Variants in ARIH1 observed in about 807,000 individuals in gnomAD.
The protein encoded by ARIH1 is ariadne RBR E3 ubiquitin protein ligase 1, also known as E3 ubiquitin-protein ligase ARIH1.
A neutral mutation model predicts 85.0 loss-of-function variants in ARIH1; 8 were observed. The observed-to-expected ratio is 0.09, with a 90% CI of 0.06 to 0.17. The LOEUF (loss-of-function observed/expected upper bound fraction) is 0.17. Among genes scored for constraint, ARIH1 ranks in the 10% least tolerant of loss-of-function variants. The pLI, the probability that ARIH1 is intolerant of heterozygous loss-of-function variation, is 1.00. For synonymous variants in ARIH1, 238 were observed against 253.6 expected (o/e 0.94, Z 0.59); for missense variants, 311 against 718.1 (o/e 0.43, Z 6.48).
At chr15:72,510,183 A>T (rs2063943843) in intron 1 of ARIH1, among the ~76,000 whole-genome samples, 1 of 152,238 alleles carries the variant, frequency 6.6e-6, no homozygotes, top group South Asian at 2.1e-4. Context: ...TTAGATTTTT[A>T]AAAAATTATT....
chr15:72,571,389 G>A (rs2064245993), intron 10 of ARIH1, among the ~76,000 whole-genome samples: 1 of 152,136 alleles, frequency 6.6e-6, no homozygotes, highest in Non-Finnish European at 1.5e-5. Flanking sequence ...TTAGCCAAGT[G>A]CATGGTATAT....
chr15:72,601,989 T>A lies in ARIH1; in HGVS notation c.*18697T>A, dbSNP rs2064383698. The stretch of plus-strand genomic sequence containing the variant: ...GCATTTTCTGCACTTTATCTGTTAA[T>A]AATATATCTTGGCAATTATTCAATA... On this transcript the variant is annotated 3_prime_UTR_variant, in exon 14 of 14. Coordinates refer to ENST00000379887, the MANE Select transcript of ARIH1 (RefSeq NM_005744.5). The A allele has an allele frequency of 6.6e-6, 1 of 152,194 alleles. No homozygotes were observed. Among genetic ancestry groups the A allele is most frequent in the African/African-American group, 2.4e-5 (1 of 41,460 alleles). The allele number at this position is 152,194 out of a possible 1,614,324, so 9.4% of individuals were successfully genotyped here.
At chr15:72,528,732 A>G (rs757183120) in intron 2 of ARIH1, among the ~76,000 whole-genome samples, 6 of 152,124 alleles carry the variant, frequency 3.9e-5, no homozygotes, top group Non-Finnish European at 5.9e-5. Flanking sequence ...ATGCACACCT[A>G]TAGTCCCAGC....
chr15:72,566,538 A>G lies in ARIH1; in HGVS notation c.912-25A>G, dbSNP rs369630123. ...CTTACAGTAGGTAGGCCTTAATTCTATTAACTCTTTGTGTCACTTAACAGC... is the reference window on the plus strand; with the variant it reads ...CTTACAGTAGGTAGGCCTTAATTCTGTTAACTCTTTGTGTCACTTAACAGC... On this transcript the variant is annotated intron_variant, in intron 7 of 13. Coordinates refer to ENST00000379887, the MANE Select transcript of ARIH1 (RefSeq NM_005744.5). The G allele has an allele frequency of 5.9e-5, 95 of 1,602,760 alleles. No homozygotes were observed. In the African/African-American group the frequency reaches 8.0e-4, roughly 14 times the overall value.
rs1264304460 is a variant in ARIH1 at position 72,592,349 on chromosome 15, G to C, written c.*9057G>C. On this transcript the variant is annotated 3_prime_UTR_variant, in exon 14 of 14. Transcript: ENST00000379887. ...CCCAAAAATCTCACTGAAGCAAAGA[G>C]ATAATAGGCCAGTAAAGAGTGGGAG... is the stretch of plus-strand genomic sequence containing the variant. The C allele has an allele frequency of 2.0e-5, 3 of 152,204 alleles. No homozygotes were observed. The highest frequency in any genetic ancestry group is 6.5e-5 in the Admixed American group (1 of 15,282). The allele number at this position is 152,204 out of a possible 1,614,324, so 9.4% of individuals were successfully genotyped here.
At chr15:72,564,124 T>G (rs184413963) in intron 7 of ARIH1, among the ~76,000 whole-genome samples, 1 of 152,344 alleles carries the variant, frequency 6.6e-6, no homozygotes, top group Non-Finnish European at 1.5e-5. Flanking sequence ...TCTTATTTCC[T>G]TTTGATGAAC....
chr15:72,583,162 A>G, intron 13 of ARIH1, 46 bp from the exon 14 acceptor site: 1 of 1,455,828 alleles, frequency 6.9e-7, no homozygotes, highest in Non-Finnish European at 9.5e-7. Context: ...TTTTTTTATT[A>G]TTAGAGGCTG....
chr15:72,563,019 T>G (rs1251722163), intron 6 of ARIH1, among the ~76,000 whole-genome samples: 1 of 152,178 alleles, frequency 6.6e-6, no homozygotes, highest in African/African-American at 2.4e-5. Flanking sequence ...AATAGCTTGA[T>G]GTACTAGGAA....
At chr15:72,497,668 A>G (rs918097254) in intron 1 of ARIH1, among the ~76,000 whole-genome samples, 1 of 152,300 alleles carries the variant, frequency 6.6e-6, no homozygotes, top group Admixed American at 6.5e-5. Context: ...AATGATGCAG[A>G]TATTTGCATC....
intron 1 of ARIH1, among the ~76,000 whole-genome samples, chr15:72,483,132 G>A (rs1567336004): frequency 6.6e-6 from 1 of 152,106 alleles, no homozygotes; most frequent in Non-Finnish European, 1.5e-5. Flanking sequence ...AAAGTGCTGG[G>A]ATTACAGGCA....
chr15:72,547,286 G>A (rs1402796619), intron 3 of ARIH1, among the ~76,000 whole-genome samples: 2 of 151,536 alleles, frequency 1.3e-5, no homozygotes, highest in Non-Finnish European at 2.9e-5. Flanking sequence ...AGACTGGAGT[G>A]CAATGGCACA....
chr15:72,600,571 A>T lies in ARIH1; in HGVS notation c.*17279A>T, dbSNP rs1255240189. The T allele has an allele frequency of 1.3e-5, 2 of 152,030 alleles. No individual in the cohort carries two copies. The highest frequency in any genetic ancestry group is 2.9e-5 in the Non-Finnish European group (2 of 68,026). The allele number at this position is 152,030 out of a possible 1,614,324, so 9.4% of individuals were successfully genotyped here. On this transcript the variant is annotated 3_prime_UTR_variant, in exon 14 of 14. Transcript: ENST00000379887. The stretch of plus-strand genomic sequence containing the variant: ...GCTCATTTTAAAATTTTTTGTAGAG[A>T]CGGGTCTCACTATGTTGCTCAGGCT...
chr15:72,526,908 TACA>T, intron 2 of ARIH1, among the ~76,000 whole-genome samples: 1 of 151,896 alleles, frequency 6.6e-6, no homozygotes, highest in Non-Finnish European at 1.5e-5. Flanking sequence ...TCTTCTGTTT[TACA>T]AACTAAATAG....
At chr15:72,516,581 C>G (rs932363997) in intron 1 of ARIH1, among the ~76,000 whole-genome samples, 4 of 152,140 alleles carry the variant, frequency 2.6e-5, no homozygotes, top group Non-Finnish European at 5.9e-5. Context: ...ATCAGCAGTG[C>G]TCTGTTAAAG....
At chr15:72,576,271 C>T (rs751037779) in intron 11 of ARIH1, among the ~76,000 whole-genome samples, 19 of 151,794 alleles carry the variant, frequency 1.3e-4, no homozygotes, top group South Asian at 4.2e-4. Flanking sequence ...TTTGGGAGGC[C>T]GAGGCGGGCG....
intron 2 of ARIH1, among the ~76,000 whole-genome samples, chr15:72,530,768 G>GT (rs1157867900): frequency 3.9e-5 from 6 of 152,258 alleles, no homozygotes; most frequent in Admixed American, 6.5e-5. Flanking sequence ...TTGTGACATA[G>GT]TTTAACAGCA....
intron 2 of ARIH1, among the ~76,000 whole-genome samples, chr15:72,526,860 C>CTT (rs58241698): frequency 0.7 from 97,171 of 138,082 alleles, 39,787 homozygotes; most frequent in Non-Finnish European, 0.89. Flanking sequence ...CTGTCTAATG[C>CTT]TTTTTTTTTT....
At chr15:72,496,991 T>C in intron 1 of ARIH1, 2 of 349,292 alleles carry the variant, frequency 5.7e-6, no homozygotes, top group Non-Finnish European at 8.1e-6. Flanking sequence ...GTGGGAAAGT[T>C]TGTTTTGACA....
chr15:72,572,541 A>G (rs1330868021), intron 11 of ARIH1, among the ~76,000 whole-genome samples: 3 of 152,348 alleles, frequency 2.0e-5, no homozygotes, highest in South Asian at 2.1e-4. Flanking sequence ...GAACTTTTCA[A>G]TTCTGAAGGA....
Sources: gnomAD v4.1 joint callset for allele counts (sites outside exome capture counted in the v4.1 genomes callset) on GRCh38, gnomAD v4.1.1 for gene constraint, MANE v1.5 for transcripts, NCBI Gene and HGNC (gene_info 2026-07-23, HGNC 2026-07-21) for gene names.